The following TMEM117 variants were observed in gnomAD, a reference collection of about 807,000 sequenced individuals.
TMEM117 encodes transmembrane protein 117.
In TMEM117, 27 loss-of-function variants were observed where a neutral mutation model predicts 52.4. The ratio of observed to expected loss-of-function variants is 0.51; its 90% confidence interval spans 0.38 to 0.71. TMEM117 has a LOEUF of 0.71. Among genes scored for constraint, TMEM117 ranks in the 30% least tolerant of loss-of-function variants. The probability of loss-of-function intolerance (pLI) is 0.00; values close to 1 mark genes in which losing one functional copy is unlikely to be tolerated. For missense variants in TMEM117, 556 were observed against 630.5 expected (o/e 0.88, Z 1.26); for synonymous variants, 215 against 206.3 (o/e 1.04, Z -0.36).
chr12:44,103,616 A>C (rs890659413), intron 3 of TMEM117, among the ~76,000 whole-genome samples: 2 of 151,864 alleles, frequency 1.3e-5, no homozygotes, highest in Admixed American at 6.6e-5. Context: ...TTTTGGGGGC[A>C]GATTTCATCA....
intron 6 of TMEM117, among the ~76,000 whole-genome samples, chr12:44,308,721 C>G (rs2080876): frequency 0.048 from 7,270 of 151,948 alleles, 359 homozygotes; most frequent in African/African-American, 0.12. Flanking sequence ...CCGGGTTCAC[C>G]CCATTCTCCT....
At chr12:43,878,643 T>G (rs564995578) in intron 2 of TMEM117, among the ~76,000 whole-genome samples, 1 of 152,302 alleles carries the variant, frequency 6.6e-6, no homozygotes, top group Non-Finnish European at 1.5e-5. Context: ...TGATTAAAAT[T>G]TTGTCTTTCT....
chr12:44,227,370 G>A (rs184764976), intron 5 of TMEM117, among the ~76,000 whole-genome samples: 1 of 152,192 alleles, frequency 6.6e-6, no homozygotes, highest in Admixed American at 6.5e-5. Context: ...AGGCTGAGGT[G>A]AGCAGATCAC....
At chr12:43,884,686 A>G (rs2407782) in intron 2 of TMEM117, among the ~76,000 whole-genome samples, 50,885 of 152,144 alleles carry the variant, frequency 0.33, 10,617 homozygotes, top group East Asian at 0.67. Context: ...AATTAGGGAA[A>G]AAGTCTCAGG....
chr12:43,948,330 G>A (rs559899046), intron 3 of TMEM117, among the ~76,000 whole-genome samples: 72 of 149,220 alleles, frequency 4.8e-4, no homozygotes, highest in Non-Finnish European at 9.1e-4. Flanking sequence ...TTTTGAGACT[G>A]AGTCTCACTC....
chr12:43,955,461 A>G lies in TMEM117; in HGVS notation c.410+11119A>G, dbSNP rs1407822725. 2.6e-5 allele frequency among the ~76,000 whole-genome samples: 4 copies of G among 152,352 alleles called. No homozygotes were observed. The East Asian group carries it at 5.8e-4, about 22-fold the overall frequency. On this transcript the variant is annotated intron_variant, in intron 3 of 7. Coordinates refer to ENST00000266534, the MANE Select transcript of TMEM117 (RefSeq NM_032256.3). ...TAGTGAAGTATCAGGATACAAAGTT[A>G]ATTTGCAGAAATCACAAGCATTCCC...
At chr12:44,215,305 G>A (rs1280692231) in intron 5 of TMEM117, among the ~76,000 whole-genome samples, 5 of 152,106 alleles carry the variant, frequency 3.3e-5, no homozygotes, top group African/African-American at 1.2e-4. Context: ...GTGTCTCTAC[G>A]TTGAAGAAAA....
At chr12:44,328,761 C>A (rs1455901258) in intron 6 of TMEM117, among the ~76,000 whole-genome samples, 3 of 151,756 alleles carry the variant, frequency 2.0e-5, no homozygotes, top group Admixed American at 6.6e-5. Flanking sequence ...AAGTCAGATA[C>A]CATTCAAAAA....
chr12:44,387,410 G>A (rs1035063463), intron 7 of TMEM117, among the ~76,000 whole-genome samples: 5 of 151,768 alleles, frequency 3.3e-5, no homozygotes, highest in Admixed American at 3.3e-4. Context: ...CATAAGGTAT[G>A]GTTACATTTA....
At chr12:43,944,470 T>A in intron 3 of TMEM117, 128 bp downstream of exon 3, 1 of 869,022 alleles carries the variant, frequency 1.2e-6, no homozygotes, top group East Asian at 2.7e-5. Context: ...AGAAGGAGTA[T>A]TTTATGTATT....
chr12:44,195,889 AAAATAAATAAATAAATAAAT>A (rs71091196), intron 4 of TMEM117, among the ~76,000 whole-genome samples: 17 of 136,534 alleles, frequency 1.2e-4, no homozygotes, highest in Admixed American at 2.3e-4. Flanking sequence ...CCCTGTCTCT[AAAATAAATAAATAAATAAAT>A]AAATAAATAA....
chr12:44,354,095 G>A (rs1450369925), intron 6 of TMEM117, among the ~76,000 whole-genome samples: 1 of 152,024 alleles, frequency 6.6e-6, no homozygotes, highest in Non-Finnish European at 1.5e-5. Context: ...TTGGCTCTCT[G>A]TCTGTTATTG....
At chr12:44,173,881 T>C (rs1035162872) in intron 4 of TMEM117, among the ~76,000 whole-genome samples, 5 of 152,090 alleles carry the variant, frequency 3.3e-5, no homozygotes, top group African/African-American at 4.8e-5. Context: ...TTAAATACCT[T>C]TAATGCTTAT....
upstream of TMEM117, chr12:43,835,939 C>G (rs566822373): frequency 6.6e-6 from 1 of 151,660 alleles, no homozygotes. Context: ...GGTGCCCTTG[C>G]GCTCGCGTTG....
Position 44,031,524 on chromosome 12 carries a change from A to G in TMEM117, c.410+87182A>G, listed in dbSNP as rs1019569280. ...TTCAGGACTCTCATTGATAGCTGAA[A>G]TGTTCATGAATATCAAACAGGAGTT... On this transcript the variant is annotated intron_variant, in intron 3 of 7. Coordinates refer to ENST00000266534, the MANE Select transcript of TMEM117 (RefSeq NM_032256.3). 5.3e-5 allele frequency among the ~76,000 whole-genome samples: 8 copies of G among 152,352 alleles called. 1 individual carries two copies. The highest frequency in any genetic ancestry group is 1.9e-4 in the African/African-American group (8 of 41,582).
At chr12:43,831,221 T>G (rs1305866570), upstream of TMEM117, among the ~76,000 whole-genome samples, 1 of 152,206 alleles carries the variant, frequency 6.6e-6, no homozygotes, top group East Asian at 1.9e-4. Flanking sequence ...ATTCAGAGTA[T>G]GTAATTAGCA....
intron 3 of TMEM117, among the ~76,000 whole-genome samples, chr12:44,129,029 T>C (rs1948372121): frequency 6.6e-6 from 1 of 152,202 alleles, no homozygotes; most frequent in Non-Finnish European, 1.5e-5. Context: ...ATTATTCTTC[T>C]ACTTCATGTG....
At chr12:43,888,242 C>T (rs1160120138) in intron 2 of TMEM117, among the ~76,000 whole-genome samples, 1 of 152,170 alleles carries the variant, frequency 6.6e-6, no homozygotes, top group Non-Finnish European at 1.5e-5. Flanking sequence ...AAATGCCAAA[C>T]CCTCCACATT....
At chr12:44,033,952 G>C (rs1234871538) in intron 3 of TMEM117, among the ~76,000 whole-genome samples, 2 of 152,156 alleles carry the variant, frequency 1.3e-5, no homozygotes, top group Admixed American at 6.5e-5. Flanking sequence ...CAGTTCAGTG[G>C]AGGTGGAGTT....
Sources: gnomAD v4.1 joint callset for allele counts (sites outside exome capture counted in the v4.1 genomes callset) on GRCh38, gnomAD v4.1.1 for gene constraint, MANE v1.5 for transcripts, NCBI Gene and HGNC (gene_info 2026-07-23, HGNC 2026-07-21) for gene names.